SP140L: variants seen among roughly 807,000 people sequenced by gnomAD.
SP140L encodes the protein nuclear body protein SP140-like protein.
In SP140L, 64 loss-of-function variants were observed where a neutral mutation model predicts 84.3. The ratio of observed to expected loss-of-function variants is 0.76; its 90% CI spans 0.62 to 0.94. The LOEUF (loss-of-function observed/expected upper bound fraction) is 0.94, where lower values mean the gene tolerates loss of function less well. Ranked by LOEUF, SP140L falls within the 40% of genes least tolerant of loss-of-function variation. The pLI is 0.00. For missense variants in SP140L, 628 were observed against 692.5 expected, an observed-to-expected ratio of 0.91 and a Z score of 1.05; for synonymous variants, 242 against 236.9, an observed-to-expected ratio of 1.02 and a Z score of -0.20.
At chr2:230,340,146 C>CCA (rs2059997164) in intron 2 of SP140L, among the ~76,000 whole-genome samples, 1 of 151,378 alleles carries the variant, frequency 6.6e-6, no homozygotes, top group Non-Finnish European at 1.5e-5. Flanking sequence ...GTAGGTCACT[C>CCA]AGGACTTGCT....
At chr2:230,380,882 C>T (rs1381758992) in intron 7 of SP140L, among the ~76,000 whole-genome samples, 2 of 152,142 alleles carry the variant, frequency 1.3e-5, no homozygotes, top group Non-Finnish European at 2.9e-5. Flanking sequence ...TCCTGATGAA[C>T]GTCACCTCAA....
intron 2 of SP140L, among the ~76,000 whole-genome samples, chr2:230,331,342 ATC>A (rs1199609470): frequency 6.6e-5 from 10 of 152,220 alleles, no homozygotes; most frequent in African/African-American, 2.4e-4. Context: ...GTTTGGTACT[ATC>A]TGCAGTTTCA....
intron 2 of SP140L, among the ~76,000 whole-genome samples, chr2:230,332,725 A>G (rs1365787114): frequency 6.6e-6 from 1 of 151,928 alleles, no homozygotes; most frequent in Non-Finnish European, 1.5e-5. Context: ...CTTCCCAGGC[A>G]CCCTGCAGAA....
At chr2:230,333,968 T>C (rs2059797034) in intron 2 of SP140L, among the ~76,000 whole-genome samples, 1 of 152,230 alleles carries the variant, frequency 6.6e-6, no homozygotes, top group Non-Finnish European at 1.5e-5. Flanking sequence ...CTAATGAGGA[T>C]GATGATTTTT....
chr2:230,339,500 T>G (rs1327146320), intron 2 of SP140L, among the ~76,000 whole-genome samples: 1 of 151,380 alleles, frequency 6.6e-6, no homozygotes, highest in Admixed American at 6.6e-5. Context: ...TTTCCTTCAG[T>G]TCTGCTCTGA....
chr2:230,367,290 T>TTTTTC (rs2060912531), intron 5 of SP140L, among the ~76,000 whole-genome samples: 4 of 106,172 alleles, frequency 3.8e-5, no homozygotes, highest in African/African-American at 1.6e-4. Context: ...TTCTTTCTTT[T>TTTTTC]TTTTCTTTTT....
In SP140L at chr2:230,383,564, A is replaced by G. The variant is rs114029097; in HGVS notation, c.692A>G (p.Asn231Ser). 2.3e-3 allele frequency: 3,706 copies of G among 1,604,056 alleles called. 84 individuals are homozygous for G. In the African/African-American group the frequency reaches 0.041, roughly 18 times the overall value. Residue 231 changes from asparagine (N) to serine (S), a missense_variant, in exon 8 of 19, where the codon AAC becomes AGC. Physicochemically the swap from Asn to Ser is conservative, Grantham distance 46. Coordinates refer to ENST00000415673, the MANE Select transcript of SP140L (RefSeq NM_138402.6). The stretch of plus-strand genomic sequence containing the variant: ...ATGGGAACGAGAACGCAGAAAAACA[A>G]CCAACAAAATGGTAAGCAGGCAAAG... ...SRMGTRTQKN[N>S]QQNDNSKADG...
At position 230,385,299 on chromosome 2, in the gene SP140L, T is replaced by A; in HGVS notation, c.779T>A (p.Ile260Asn). 2 of 1,613,602 alleles carry A rather than the reference T, an allele frequency of 1.2e-6. No individual in the cohort carries two copies. The highest frequency in any genetic ancestry group is 1.7e-6 in the Non-Finnish European group (2 of 1,179,640). ...ATGAATCTGAAAGACCTTTCCAAGATTAGGGGTAAGATAAAGTTGGTACCA... is the reference window on the plus strand; with the variant it reads ...ATGAATCTGAAAGACCTTTCCAAGAATAGGGGTAAGATAAAGTTGGTACCA... ...ANMNLKDLSK[I>N]RGRKRGKPGT... Residue 260 changes from isoleucine (I) to asparagine (N), a missense_variant, in exon 9 of 19, where the codon ATT (isoleucine) becomes AAT (asparagine). By Grantham distance (149) the Ile-to-Asn change is moderately radical. Around this residue, in one of 4 missense-constraint regions of SP140L, gnomAD observed 525 missense variants for 518.4 expected, o/e 1.01. Transcript: ENST00000415673.
intron 14 of SP140L, among the ~76,000 whole-genome samples, chr2:230,399,141 G>GTA (rs2062194218): frequency 6.6e-6 from 1 of 152,214 alleles, no homozygotes; most frequent in Non-Finnish European, 1.5e-5. Context: ...TCTTTGTCAT[G>GTA]AATACACTTG....
chr2:230,358,397 A>G (rs950123872), intron 3 of SP140L, among the ~76,000 whole-genome samples: 1 of 152,172 alleles, frequency 6.6e-6, no homozygotes, highest in African/African-American at 2.4e-5. Flanking sequence ...TTTCTCCAAC[A>G]CATTTGTTTT....
At chr2:230,337,308 G>C (rs1405117408) in intron 2 of SP140L, among the ~76,000 whole-genome samples, 2 of 152,130 alleles carry the variant, frequency 1.3e-5, no homozygotes, top group African/African-American at 2.4e-5. Context: ...AGAAGTGTCT[G>C]TTCATATCCT....
chr2:230,372,744 A>AAAAAG (rs1559438629), intron 7 of SP140L: 1 of 130,390 alleles, frequency 7.7e-6, no homozygotes, highest in Non-Finnish European at 1.6e-5. Context: ...AAAAAAAAAA[A>AAAAAG]AAAGAAAGAG....
At chr2:230,394,103 G>A (rs1361009214) in intron 13 of SP140L, among the ~76,000 whole-genome samples, 2 of 152,180 alleles carry the variant, frequency 1.3e-5, no homozygotes, top group Non-Finnish European at 2.9e-5. Flanking sequence ...AGAGGCAAAC[G>A]TATTTTACAG....
chr2:230,399,950 C>T (rs2062235642), intron 14 of SP140L, 177 bp from the exon 15 acceptor site: 1 of 582,510 alleles, frequency 1.7e-6, no homozygotes. Flanking sequence ...CTGAACTTCA[C>T]TGCAGACCAG....
chr2:230,377,382 A>G (rs954707563), intron 7 of SP140L, among the ~76,000 whole-genome samples: 5 of 152,194 alleles, frequency 3.3e-5, no homozygotes, highest in African/African-American at 1.2e-4. Flanking sequence ...TTTCATATAA[A>G]TGAATTCATA....
intron 14 of SP140L, 194 bp from the exon 15 acceptor site, chr2:230,399,933 C>T (rs1015346786): frequency 4.1e-5 from 21 of 517,798 alleles, no homozygotes; most frequent in African/African-American, 3.0e-4. Context: ...ACATATACCC[C>T]TTCCTCCTGA....
At chr2:230,358,480 A>T (rs2060616153) in intron 3 of SP140L, among the ~76,000 whole-genome samples, 1 of 152,118 alleles carries the variant, frequency 6.6e-6, no homozygotes, top group South Asian at 2.1e-4. Context: ...GCCCTGTTGG[A>T]GATACAGAAC....
At chr2:230,351,211 G>A (rs1456871526) in intron 2 of SP140L, among the ~76,000 whole-genome samples, 1 of 152,148 alleles carries the variant, frequency 6.6e-6, no homozygotes, top group Non-Finnish European at 1.5e-5. Flanking sequence ...TTCTGAAAAG[G>A]CTGCAGTAAT....
At chr2:230,377,450 C>T (rs2061279144) in intron 7 of SP140L, among the ~76,000 whole-genome samples, 1 of 152,196 alleles carries the variant, frequency 6.6e-6, no homozygotes, top group Non-Finnish European at 1.5e-5. Flanking sequence ...TTTTGAGATA[C>T]ATCCATGTTA....
Sources: gnomAD v4.1 joint callset for allele counts (sites outside exome capture counted in the v4.1 genomes callset) on GRCh38, gnomAD v4.1.1 for gene constraint, gnomAD v4.1.1 regional missense constraint, MANE v1.5 for transcripts, NCBI Gene and HGNC (gene_info 2026-07-23, HGNC 2026-07-21) for gene names.